R3HCC1L: variants seen among roughly 807,000 people sequenced by gnomAD.
R3HCC1L encodes coiled-coil domain-containing protein R3HCC1L.
Under a neutral mutation model 59.9 loss-of-function variants are expected in R3HCC1L, and 51 were observed. The ratio of observed to expected loss-of-function variants is 0.85; its 90% confidence interval spans 0.68 to 1.07. The LOEUF (loss-of-function observed/expected upper bound fraction) is 1.07, where lower values mean the gene tolerates loss of function less well. Ranked by LOEUF, R3HCC1L falls within the 50% of genes least tolerant of loss-of-function variation. R3HCC1L has a pLI of 0.00. For synonymous variants in R3HCC1L, 322 were observed against 315.2 expected (o/e 1.02, Z -0.23); for missense variants, 965 against 933.0 (o/e 1.03, Z -0.45).
At chr10:98,135,228 C>T (rs1844437993) in intron 1 of R3HCC1L, among the ~76,000 whole-genome samples, 1 of 152,196 alleles carries the variant, frequency 6.6e-6, no homozygotes, top group South Asian at 2.1e-4. Flanking sequence ...CGAAAAACCC[C>T]AAGTCCGATC....
chr10:98,181,592 G>A (rs1849628876), intron 4 of R3HCC1L, among the ~76,000 whole-genome samples: 1 of 152,090 alleles, frequency 6.6e-6, no homozygotes, highest in African/African-American at 2.4e-5. Context: ...AGTTCTTCTG[G>A]ATAATATCCT....
chr10:98,174,293 A>G (rs1273029611), intron 4 of R3HCC1L, among the ~76,000 whole-genome samples: 1 of 152,200 alleles, frequency 6.6e-6, no homozygotes, highest in African/African-American at 2.4e-5. Flanking sequence ...CTGAGATCTC[A>G]GGGAACAAAT....
At chr10:98,239,747 G>T (rs902176292) in intron 9 of R3HCC1L, among the ~76,000 whole-genome samples, 2 of 152,038 alleles carry the variant, frequency 1.3e-5, no homozygotes, top group Non-Finnish European at 2.9e-5. Context: ...ACCCAGGCTG[G>T]AGTGCAGTGG....
chr10:98,139,063 A>G (rs1375889467), intron 1 of R3HCC1L, among the ~76,000 whole-genome samples: 1 of 152,114 alleles, frequency 6.6e-6, no homozygotes, highest in Non-Finnish European at 1.5e-5. Context: ...AGCCAAGGTT[A>G]AGGTTGTTGA....
chr10:98,151,401 A>G (rs546753008), intron 1 of R3HCC1L, among the ~76,000 whole-genome samples: 2 of 152,256 alleles, frequency 1.3e-5, no homozygotes, highest in African/African-American at 4.8e-5. Context: ...TCTACTTTGT[A>G]GGATTGTTGT....
chr10:98,162,869 T>G lies in R3HCC1L; in HGVS notation c.-212-14T>G, dbSNP rs1393582301. On this transcript the variant is annotated splice_polypyrimidine_tract_variant and intron_variant, in intron 2 of 9. Coordinates refer to ENST00000298999, the MANE Select transcript of R3HCC1L (RefSeq NM_001351015.2). ...CATGCTACCATGCTTGGCTGATTTC[T>G]ATATTTTTTGTAGAGACGGAGTTTT... The G allele has an allele frequency of 6.6e-6, 1 of 152,422 alleles. No individual in the cohort carries two copies. The highest frequency in any genetic ancestry group is 2.4e-5 in the African/African-American group (1 of 41,456). The allele number at this position is 152,422 out of a possible 1,614,324, so 9.4% of individuals were successfully genotyped here. A position where few individuals can be genotyped will look rare whatever the true frequency, so the allele number is the denominator to read the frequency against.
At chr10:98,154,084 G>A (rs1305198942) in intron 1 of R3HCC1L, among the ~76,000 whole-genome samples, 1 of 140,584 alleles carries the variant, frequency 7.1e-6, no homozygotes, top group East Asian at 2.2e-4. Flanking sequence ...GTTTCACATT[G>A]TTTTCACATT....
At chr10:98,169,084 C>T (rs1477718282) in intron 4 of R3HCC1L, among the ~76,000 whole-genome samples, 1 of 152,124 alleles carries the variant, frequency 6.6e-6, no homozygotes, top group African/African-American at 2.4e-5. Flanking sequence ...CTTTTTAAGT[C>T]TGGAAGGTTA....
At chr10:98,217,789 A>G (rs1256244289) in intron 5 of R3HCC1L, among the ~76,000 whole-genome samples, 1 of 151,438 alleles carries the variant, frequency 6.6e-6, no homozygotes, top group Non-Finnish European at 1.5e-5. Flanking sequence ...TTTATTATAA[A>G]TGGGATTTCT....
In R3HCC1L at chr10:98,191,307, C is replaced by T. The variant is rs570294510; in HGVS notation, c.-14-16794C>T. Among the ~76,000 whole-genome samples the T allele has an allele frequency of 3.9e-5, 6 of 152,312 alleles. No individual in the cohort carries two copies. The South Asian group carries it at 8.3e-4, about 21-fold the overall frequency. On this transcript the variant is annotated intron_variant, in intron 4 of 9. Transcript: ENST00000298999. The stretch of plus-strand genomic sequence containing the variant: ...CATTCCTATTTCTCCACATCCTCTC[C>T]AGCATCTGTTGTTTTCTGACTTTTT...
intron 5 of R3HCC1L, among the ~76,000 whole-genome samples, chr10:98,226,669 T>C (rs185877938): frequency 1.3e-5 from 2 of 152,344 alleles, no homozygotes; most frequent in East Asian, 1.9e-4. Flanking sequence ...CAAAGAGTAC[T>C]ATAAAGCTAC....
intron 2 of R3HCC1L, among the ~76,000 whole-genome samples, chr10:98,158,265 T>G (rs1185362469): frequency 6.6e-6 from 1 of 152,242 alleles, no homozygotes; most frequent in Non-Finnish European, 1.5e-5. Flanking sequence ...CCCCATTTTT[T>G]CCAACCATAA....
At chr10:98,235,569 G>A in intron 8 of R3HCC1L, 49 bp downstream of exon 8, 4 of 1,444,074 alleles carry the variant, frequency 2.8e-6, no homozygotes, top group Non-Finnish European at 3.8e-6. Context: ...TGGTATTATT[G>A]TTCTTTCCAG....
chr10:98,234,447 A>G lies in R3HCC1L; in HGVS notation c.1963A>G (p.Lys655Glu), dbSNP rs369147340. The G allele has an allele frequency of 1.9e-6, 3 of 1,612,368 alleles. No individual in the cohort carries two copies. The African/African-American group carries it at 4.0e-5, about 22-fold the overall frequency. ...DLLRVFCSYQKKGFDIKWVDD... is the reference protein window; with the variant it reads ...DLLRVFCSYQEKGFDIKWVDD... ...TAAAATTGTTTTTTTGTGTTGCAGAAAGAAAGGATTTGATATTAAATGGGT... is the reference window on the plus strand; with the variant it reads ...TAAAATTGTTTTTTTGTGTTGCAGAGAGAAAGGATTTGATATTAAATGGGT... The change falls in exon 7 of 10, where the codon AAG becomes GAG. Residue 655 changes from lysine (K) to glutamate (E), a missense_variant and splice_region_variant. Transcript: ENST00000298999.
Position 98,209,385 on chromosome 10 carries a change from C to A in R3HCC1L, c.1271C>A (p.Pro424His). 6 of 1,613,930 alleles carry A rather than the reference C, an allele frequency of 3.7e-6. No homozygotes were observed. The highest frequency in any genetic ancestry group is 5.1e-6 in the Non-Finnish European group (6 of 1,179,982). ...KFVGMSADATPLHVARSGNDT... is the reference protein window; with the variant it reads ...KFVGMSADATHLHVARSGNDT... ...GTAGGAATGAGTGCAGATGCAACCC[C>A]TCTTCATGTAGCTAGAAGTGGGAAT... is the stretch of plus-strand genomic sequence containing the variant. Residue 424 changes from proline to histidine, a missense_variant, in exon 5 of 10, where the codon CCT becomes CAT. Pro to His is a moderately conservative substitution (Grantham distance 77). Transcript: ENST00000298999.
rs562686046 is a variant in R3HCC1L, at chr10:98,201,641, G to C, written c.-14-6460G>C. Among the ~76,000 whole-genome samples, 3 of 152,296 alleles carry C rather than the reference G, an allele frequency of 2.0e-5. No homozygotes were observed. The East Asian group carries it at 5.8e-4, about 29-fold the overall frequency. Reference sequence around the variant, plus strand: ...AGACACCTGAGATGCATTAGTCATTGCATTTGAACACCAAACTTAATTCTG... The same window carrying C: ...AGACACCTGAGATGCATTAGTCATTCCATTTGAACACCAAACTTAATTCTG... On this transcript the variant is annotated intron_variant, in intron 4 of 9. Transcript: ENST00000298999.
chr10:98,187,401 A>G (rs748851149), intron 4 of R3HCC1L, among the ~76,000 whole-genome samples: 18 of 145,978 alleles, frequency 1.2e-4, no homozygotes, highest in Admixed American at 2.7e-4. Context: ...TTTATAATCT[A>G]AGAAACAGTC....
intron 7 of R3HCC1L, among the ~76,000 whole-genome samples, chr10:98,235,003 C>T (rs1219023653): frequency 2.0e-5 from 3 of 152,050 alleles, no homozygotes; most frequent in Admixed American, 6.6e-5. Context: ...AACGTTAGTT[C>T]CTATCTGAAC....
intron 2 of R3HCC1L, among the ~76,000 whole-genome samples, chr10:98,157,429 C>T (rs1480976685): frequency 2.0e-5 from 3 of 152,214 alleles, no homozygotes; most frequent in African/African-American, 7.2e-5. Flanking sequence ...GTCTATTCTG[C>T]ATTTTAGAGA....
Sources: allele counts gnomAD v4.1 joint callset (sites outside exome capture counted in the v4.1 genomes callset), GRCh38; gene constraint gnomAD v4.1.1; transcripts MANE v1.5; gene names NCBI Gene and HGNC (gene_info 2026-07-23, HGNC 2026-07-21).